The following ETV6 variants were observed in gnomAD, a reference collection of about 807,000 sequenced individuals.
ETV6 encodes the protein ETS variant transcription factor 6, also known as transcription factor ETV6.
In ETV6, 16 loss-of-function variants were observed where a neutral mutation model predicts 51.1. The ratio of observed to expected loss-of-function variants is 0.31; its 90% CI spans 0.21 to 0.48. The LOEUF (loss-of-function observed/expected upper bound fraction) is 0.48, where lower values mean the gene tolerates loss of function less well. ETV6 is among the 20% of genes least tolerant of loss of function. The pLI is 0.99. For missense variants in ETV6, 458 were observed against 594.8 expected (o/e 0.77, Z 2.39); for synonymous variants, 240 against 224.1 (o/e 1.07, Z -0.64).
At chr12:11,847,903 A>G (rs1367529193) in intron 3 of ETV6, among the ~76,000 whole-genome samples, 4 of 152,222 alleles carry the variant, frequency 2.6e-5, no homozygotes, top group African/African-American at 9.6e-5. Flanking sequence ...AACCCAATAG[A>G]AGAAGTTGGC....
chr12:11,662,306 G>C (rs1864114946), intron 1 of ETV6, among the ~76,000 whole-genome samples: 1 of 152,218 alleles, frequency 6.6e-6, no homozygotes, highest in South Asian at 2.1e-4. Context: ...TGAGCCAGCA[G>C]GTCCCACTGA....
At chr12:11,699,451 A>T (rs1864937917) in intron 1 of ETV6, among the ~76,000 whole-genome samples, 1 of 152,164 alleles carries the variant, frequency 6.6e-6, no homozygotes, top group South Asian at 2.1e-4. Context: ...CTATAAAACT[A>T]TATGTAGATG....
At chr12:11,854,967 A>G (rs896762390) in intron 4 of ETV6, among the ~76,000 whole-genome samples, 9 of 152,054 alleles carry the variant, frequency 5.9e-5, no homozygotes, top group Non-Finnish European at 8.8e-5. Flanking sequence ...ACCTAGTTCC[A>G]GAATAGGTGT....
At chr12:11,723,146 G>C (rs1865422835) in intron 1 of ETV6, among the ~76,000 whole-genome samples, 1 of 152,134 alleles carries the variant, frequency 6.6e-6, no homozygotes, top group Admixed American at 6.6e-5. Flanking sequence ...TTTGTAAAAT[G>C]GGAATCCTAA....
intron 1 of ETV6, among the ~76,000 whole-genome samples, chr12:11,665,616 TA>T (rs1864179407): frequency 1.3e-5 from 2 of 152,366 alleles, no homozygotes; most frequent in African/African-American, 4.8e-5. Context: ...AGGTATTTAT[TA>T]AGCTTCTGTT....
intron 4 of ETV6, among the ~76,000 whole-genome samples, chr12:11,856,921 C>G (rs1380979262): frequency 6.6e-6 from 1 of 152,008 alleles, no homozygotes; most frequent in Non-Finnish European, 1.5e-5. Context: ...TATGTTAACC[C>G]AAGATGACAC....
At chr12:11,872,238 G>A (rs930631035) in intron 5 of ETV6, among the ~76,000 whole-genome samples, 5 of 152,142 alleles carry the variant, frequency 3.3e-5, no homozygotes, top group African/African-American at 4.8e-5. Context: ...GGTCAGATAG[G>A]GGCCCCATGA....
intron 1 of ETV6, among the ~76,000 whole-genome samples, chr12:11,676,654 CAT>C (rs1252032437): frequency 6.6e-6 from 1 of 152,208 alleles, no homozygotes; most frequent in Admixed American, 6.5e-5. Flanking sequence ...AGATGTCCCT[CAT>C]ATGTGCCCTC....
intron 7 of ETV6, among the ~76,000 whole-genome samples, chr12:11,889,344 C>T (rs1947253256): frequency 6.6e-6 from 1 of 152,080 alleles, no homozygotes; most frequent in Admixed American, 6.5e-5. Flanking sequence ...AGGAATAGTG[C>T]TATTAGTGAG....
At chr12:11,856,315 A>AG (rs1444366906) in intron 4 of ETV6, among the ~76,000 whole-genome samples, 3 of 152,236 alleles carry the variant, frequency 2.0e-5, no homozygotes, top group African/African-American at 7.2e-5. Context: ...GGAGCTAATG[A>AG]GGCCGAGGTC....
chr12:11,865,642 G>A (rs1312118690), intron 4 of ETV6, among the ~76,000 whole-genome samples: 1 of 147,478 alleles, frequency 6.8e-6, no homozygotes, highest in Non-Finnish European at 1.5e-5. Context: ...TACTTATATA[G>A]TATTAGTATA....
intron 1 of ETV6, among the ~76,000 whole-genome samples, chr12:11,745,191 C>T (rs896096779): frequency 6.6e-5 from 10 of 152,206 alleles, no homozygotes; most frequent in African/African-American, 2.4e-4. Context: ...AATTTATAAG[C>T]TCTAACTTAC....
At chr12:11,842,081 CAA>C (rs35056557) in intron 3 of ETV6, among the ~76,000 whole-genome samples, 19 of 83,552 alleles carry the variant, frequency 2.3e-4, no homozygotes, top group Admixed American at 2.7e-4. Flanking sequence ...GACTCCGTCT[CAA>C]AAAAAAAAAA....
At chr12:11,806,718 A>G (rs1445116067) in intron 2 of ETV6, among the ~76,000 whole-genome samples, 4 of 152,220 alleles carry the variant, frequency 2.6e-5, no homozygotes, top group African/African-American at 7.2e-5. Flanking sequence ...TAACATATTT[A>G]TTATTTTAAA....
intron 3 of ETV6, among the ~76,000 whole-genome samples, chr12:11,842,733 G>A (rs1406119050): frequency 6.6e-6 from 1 of 152,214 alleles, no homozygotes; most frequent in African/African-American, 2.4e-5. Flanking sequence ...TTCCACCAGT[G>A]CGTAGGGTAG....
At chr12:11,886,120 G>A in intron 7 of ETV6, 94 bp downstream of exon 7, 1 of 857,464 alleles carries the variant, frequency 1.2e-6, no homozygotes, top group Non-Finnish European at 1.9e-6. Flanking sequence ...ATCTCTACCT[G>A]CCTATCGGAT....
chr12:11,743,236 T>G (rs532749027), intron 1 of ETV6, among the ~76,000 whole-genome samples: 1 of 152,332 alleles, frequency 6.6e-6, no homozygotes, highest in South Asian at 2.1e-4. Flanking sequence ...CAGTATTGTT[T>G]GGTTTTGTTG....
intron 1 of ETV6, among the ~76,000 whole-genome samples, chr12:11,725,161 GT>G (rs34358923): frequency 0.43 from 62,014 of 143,312 alleles, 13,268 homozygotes; most frequent in African/African-American, 0.52. Context: ...CTTTTTAGCT[GT>G]TTTTTTTTTT....
intron 2 of ETV6, among the ~76,000 whole-genome samples, chr12:11,821,492 A>C (rs1591698337): frequency 6.6e-6 from 1 of 152,152 alleles, no homozygotes. Context: ...GATGAGTGAC[A>C]TCTGGAGGTT....
Sources: gnomAD v4.1 joint callset for allele counts (sites outside exome capture counted in the v4.1 genomes callset) on GRCh38, gnomAD v4.1.1 for gene constraint, MANE v1.5 for transcripts, NCBI Gene and HGNC (gene_info 2026-07-23, HGNC 2026-07-21) for gene names.